Variants in HELZ observed in about 807,000 individuals in gnomAD.
HELZ encodes the protein helicase with zinc finger, also known as ATP-dependent RNA helicase with zinc finger domain.
HELZ carries 23 observed loss-of-function variants against 218.2 expected under a neutral mutation model. That is an observed-to-expected ratio of 0.11 (90% CI 0.08 to 0.15). The LOEUF is 0.15. HELZ is among the 10% of genes least tolerant of loss of function. The pLI, the probability that HELZ is intolerant of heterozygous loss-of-function variation, is 1.00. For synonymous variants in HELZ, 814 were observed against 829.4 expected (o/e 0.98, Z 0.32); for missense variants, 1,813 against 2,353.7 (o/e 0.77, Z 4.75).
intron 24 of HELZ, among the ~76,000 whole-genome samples, chr17:67,127,470 CAG>C (rs1283018421): frequency 1.3e-5 from 2 of 152,184 alleles, no homozygotes; most frequent in Non-Finnish European, 2.9e-5. Flanking sequence ...TATATTAACA[CAG>C]AGAATAGTTC....
chr17:67,136,185 T>C lies in HELZ; in HGVS notation c.2967A>G (p.Arg989=). The C allele has an allele frequency of 6.2e-7, 1 of 1,606,750 alleles. No individual in the cohort carries two copies. The highest frequency in any genetic ancestry group is 1.3e-5 in the African/African-American group (1 of 74,678). ...RVLNVQGKQF[R]VLFLSTVRTR... ...TACGTACTGTGCTAAGAAACAAAAC[T>C]CTGAATTGCTTTCCTACAAAGAAAA... The change falls in exon 23 of 33, where the codon AGA becomes AGG. Residue 989 remains arginine (R), a synonymous_variant. Transcript: ENST00000358691.
At position 67,148,686 on chromosome 17, in the gene HELZ, G is replaced by C. The variant is rs1195857757; in HGVS notation, c.2504C>G (p.Ala835Gly). The C allele has an allele frequency of 5.6e-6, 9 of 1,613,104 alleles. No individual in the cohort carries two copies. Among genetic ancestry groups the C allele is most frequent in the Non-Finnish European group, 7.6e-6 (9 of 1,179,452 alleles). ...QLSPFVYSEFARERNLHVSLL... is the reference protein window; with the variant it reads ...QLSPFVYSEFGRERNLHVSLL... ...TGAAACGTGAAGGTTTCTCTCCCTG[G>C]CAAACTCGCTGTAAACAAAAGGACT... is the stretch of plus-strand genomic sequence containing the variant. Residue 835 changes from alanine to glycine, a missense_variant, in exon 20 of 33, where the codon GCC becomes GGC. Coordinates refer to ENST00000358691, the MANE Select transcript of HELZ (RefSeq NM_014877.4).
intron 4 of HELZ, among the ~76,000 whole-genome samples, chr17:67,216,474 C>A (rs927034318): frequency 6.6e-6 from 1 of 152,112 alleles, no homozygotes; most frequent in African/African-American, 2.4e-5. Flanking sequence ...ACAGTTATTT[C>A]TCCCATCTAA....
At chr17:67,196,193 T>G (rs1567882066) in intron 7 of HELZ, among the ~76,000 whole-genome samples, 2 of 152,046 alleles carry the variant, frequency 1.3e-5, no homozygotes, top group Admixed American at 6.6e-5. Flanking sequence ...GCTACCACTT[T>G]GGAGCCTGGG....
At chr17:67,202,503 T>TA (rs2040193804) in intron 6 of HELZ, among the ~76,000 whole-genome samples, 1 of 152,136 alleles carries the variant, frequency 6.6e-6, no homozygotes, top group Non-Finnish European at 1.5e-5. Flanking sequence ...ACTCCGTAAC[T>TA]TAAAAAAATC....
At chr17:67,129,367 TATACAC>T (rs2037905724) in intron 23 of HELZ, among the ~76,000 whole-genome samples, 3 of 151,356 alleles carry the variant, frequency 2.0e-5, no homozygotes, top group Admixed American at 6.6e-5. Flanking sequence ...CATACACATA[TATACAC>T]ATACACATAT....
At chr17:67,216,638 C>A (rs1372365381) in intron 4 of HELZ, among the ~76,000 whole-genome samples, 1 of 151,966 alleles carries the variant, frequency 6.6e-6, no homozygotes, top group Non-Finnish European at 1.5e-5. Flanking sequence ...CCCCAATTCT[C>A]TCCTAAGCCC....
intron 31 of HELZ, among the ~76,000 whole-genome samples, chr17:67,100,596 C>T (rs2036894037): frequency 6.6e-6 from 1 of 152,096 alleles, no homozygotes; most frequent in Non-Finnish European, 1.5e-5. Flanking sequence ...CTTTCCTTTG[C>T]ACCAGTATCA....
intron 3 of HELZ, among the ~76,000 whole-genome samples, chr17:67,234,027 C>T (rs143997635): frequency 7.6e-6 from 1 of 131,130 alleles, no homozygotes; most frequent in East Asian, 2.4e-4. Flanking sequence ...GCCTGGGCGA[C>T]AGACAGACTC....
chr17:67,146,145 T>C (rs981411468), intron 20 of HELZ, among the ~76,000 whole-genome samples: 15 of 152,196 alleles, frequency 9.9e-5, no homozygotes, highest in African/African-American at 3.6e-4. Flanking sequence ...GACAGTTCAA[T>C]ACAAGATGAG....
intron 5 of HELZ, among the ~76,000 whole-genome samples, chr17:67,205,424 G>A (rs1051136252): frequency 4.6e-5 from 7 of 152,144 alleles, no homozygotes; most frequent in Non-Finnish European, 1.0e-4. Flanking sequence ...AAACGGAGGT[G>A]ACAGTAGCTA....
intron 26 of HELZ, among the ~76,000 whole-genome samples, chr17:67,122,535 G>A (rs1379391888): frequency 6.6e-6 from 1 of 150,964 alleles, no homozygotes; most frequent in East Asian, 2.0e-4. Context: ...AACAGAGTGA[G>A]ACCCCGTCTC....
intron 32 of HELZ, among the ~76,000 whole-genome samples, 192 bp downstream of exon 32, chr17:67,086,637 T>TAC (rs1222451949): frequency 2.8e-5 from 2 of 72,214 alleles, no homozygotes; most frequent in Non-Finnish European, 5.2e-5. Flanking sequence ...TATAAATATA[T>TAC]ATATATATAT....
chr17:67,200,374 T>C (rs1000717768), intron 7 of HELZ, among the ~76,000 whole-genome samples: 1 of 152,170 alleles, frequency 6.6e-6, no homozygotes, highest in African/African-American at 2.4e-5. Flanking sequence ...ATACACATTA[T>C]TTCCATCTCC....
intron 23 of HELZ, among the ~76,000 whole-genome samples, chr17:67,134,301 C>T (rs1390476008): frequency 1.3e-5 from 2 of 151,894 alleles, no homozygotes; most frequent in East Asian, 3.9e-4. Flanking sequence ...AGGAGAATCA[C>T]TTGAACCCAA....
chr17:67,172,371 G>T (rs557277400), intron 13 of HELZ, among the ~76,000 whole-genome samples: 102 of 152,234 alleles, frequency 6.7e-4, no homozygotes, highest in African/African-American at 2.4e-3. Context: ...ACTTTTGGGG[G>T]ACAAGGAAAC....
Position 67,109,361 on chromosome 17 carries a change from G to A in HELZ, c.4244C>T (p.Pro1415Leu), listed in dbSNP as rs1403374531. Reference protein sequence around the residue: ...QSQLNQQPQQPPPQLSPAYQA... With the variant: ...QSQLNQQPQQLPPQLSPAYQA... ...ATATGCAGGAGAAAGCTGAGGAGGT[G>A]GCTGCTGAGGCTGCTGATTCAACTG... Residue 1415 changes from proline to leucine, a missense_variant, in exon 29 of 33, where the codon CCA becomes CTA. Physicochemically the swap from Pro to Leu is moderately conservative, Grantham distance 98. This residue lies in a region of HELZ where 938 missense variants were observed against 1,027.5 expected (regional missense o/e 0.91). Transcript: ENST00000358691. 8 of 1,614,126 alleles carry A rather than the reference G, an allele frequency of 5.0e-6. No homozygotes were observed. The highest frequency in any genetic ancestry group is 1.1e-5 in the South Asian group (1 of 91,068).
intron 31 of HELZ, among the ~76,000 whole-genome samples, chr17:67,095,062 C>T (rs981996907): frequency 3.3e-5 from 5 of 152,208 alleles, no homozygotes; most frequent in African/African-American, 1.2e-4. Context: ...ATTTTACTCA[C>T]AGAACTTCTT....
intron 31 of HELZ, among the ~76,000 whole-genome samples, chr17:67,089,484 T>C (rs140922060): frequency 2.9e-3 from 444 of 151,926 alleles, no homozygotes; most frequent in African/African-American, 0.01. Flanking sequence ...CGGGGAAGTA[T>C]TGTATAACCT....
Sources: allele counts gnomAD v4.1 joint callset (sites outside exome capture counted in the v4.1 genomes callset), GRCh38; gene constraint gnomAD v4.1.1; regional missense constraint gnomAD v4.1.1; transcripts MANE v1.5; gene names NCBI Gene and HGNC (gene_info 2026-07-23, HGNC 2026-07-21).